The following ADARB2 variants were observed in gnomAD, a reference collection of about 807,000 sequenced individuals.
The protein encoded by ADARB2 is inactive double-stranded RNA-specific editase B2.
ADARB2 carries 25 observed loss-of-function variants against 62.2 expected under a neutral mutation model. The ratio of observed to expected loss-of-function variants is 0.40; its 90% confidence interval spans 0.29 to 0.56. The LOEUF (loss-of-function observed/expected upper bound fraction) is 0.56. ADARB2 is among the 20% of genes least tolerant of loss of function. ADARB2 has a pLI of 0.43. For synonymous variants in ADARB2, 572 were observed against 500.8 expected (o/e 1.14, Z -1.90); for missense variants, 1,071 against 1,077.4 (o/e 0.99, Z 0.08).
chr10:1,528,110 T>G (rs560422483), intron 1 of ADARB2, among the ~76,000 whole-genome samples: 2 of 152,314 alleles, frequency 1.3e-5, no homozygotes, highest in African/African-American at 4.8e-5. Flanking sequence ...ATGTGCAGCC[T>G]CTCGACAAAC....
In ADARB2 at chr10:1,629,088, C is replaced by T. The variant is rs142341598; in HGVS notation, c.100+107963G>A. On this transcript the variant is annotated intron_variant, in intron 1 of 9. Transcript: ENST00000381312. ...AGGCGTGAAACTGGCTCAAGCTGTTCGCCAGGGTGTCCCCTAGCAACACAG... is the reference window on the plus strand; with the variant it reads ...AGGCGTGAAACTGGCTCAAGCTGTTTGCCAGGGTGTCCCCTAGCAACACAG... 8.6e-3 allele frequency among the ~76,000 whole-genome samples: 1,306 copies of T among 152,320 alleles called. 5 individuals are homozygous for T. Among genetic ancestry groups the T allele is most frequent in the Admixed American group, 0.018 (277 of 15,310 alleles).
At chr10:1,341,566 T>C (rs113398202) in intron 3 of ADARB2, among the ~76,000 whole-genome samples, 2,930 of 52,026 alleles carry the variant, frequency 0.056, no homozygotes, top group Middle Eastern at 0.091. Flanking sequence ...TGCCCCACAG[T>C]GGCAATAACC....
In ADARB2 at chr10:1,420,313, G is replaced by C. The variant is rs2131884461; in HGVS notation, c.101-41153C>G. On this transcript the variant is annotated intron_variant, in intron 1 of 9. Coordinates refer to ENST00000381312, the MANE Select transcript of ADARB2 (RefSeq NM_018702.4). ...TACATGGACAGCTACGTGTAAGGCT[G>C]ACAAAGAGTAGCACAGACAGATATG... Among the ~76,000 whole-genome samples the C allele has an allele frequency of 2.0e-5, 3 of 152,318 alleles. 1 individual carries two copies. In the South Asian group the frequency reaches 6.2e-4, roughly 32 times the overall value.
intron 1 of ADARB2, among the ~76,000 whole-genome samples, chr10:1,614,828 G>T (rs1418041641): frequency 6.6e-6 from 1 of 151,984 alleles, no homozygotes. Context: ...GGAGAATGGC[G>T]TGAACCTGGG....
At chr10:1,415,526 A>G (rs1832794915) in intron 1 of ADARB2, among the ~76,000 whole-genome samples, 1 of 148,202 alleles carries the variant, frequency 6.7e-6, no homozygotes, top group African/African-American at 2.5e-5. Context: ...TCCGCATGGT[A>G]AGAAATATTT....
intron 1 of ADARB2, among the ~76,000 whole-genome samples, chr10:1,668,181 C>A (rs1834337276): frequency 6.6e-6 from 1 of 152,214 alleles, no homozygotes; most frequent in African/African-American, 2.4e-5. Context: ...GCCGCTGGTG[C>A]ATTTGGACTT....
chr10:1,395,170 C>T lies in ADARB2; in HGVS notation c.101-16010G>A, dbSNP rs114777972. Among the ~76,000 whole-genome samples, 788 of 152,278 alleles carry T rather than the reference C, an allele frequency of 5.2e-3. 4 individuals are homozygous for T. Among genetic ancestry groups the T allele is most frequent in the African/African-American group, 0.018 (747 of 41,552 alleles). The stretch of plus-strand genomic sequence containing the variant: ...TGTTGGGATTACAGATGTGAGCCAC[C>T]GTGCCTGGCCAAGATTTTTTATTCT... On this transcript the variant is annotated intron_variant, in intron 1 of 9. Coordinates refer to ENST00000381312, the MANE Select transcript of ADARB2 (RefSeq NM_018702.4).
intron 3 of ADARB2, among the ~76,000 whole-genome samples, chr10:1,349,304 CT>C (rs1832111770): frequency 6.6e-6 from 1 of 152,138 alleles, no homozygotes; most frequent in South Asian, 2.1e-4. Context: ...AGCCCCACCC[CT>C]ACCTCCCTTC....
In ADARB2 at chr10:1,550,404, C is replaced by A. The variant is rs1324994848; in HGVS notation, c.101-171244G>T. 5.9e-5 allele frequency among the ~76,000 whole-genome samples: 9 copies of A among 152,218 alleles called. No homozygotes were observed. The South Asian group carries it at 8.3e-4, about 14-fold the overall frequency. On this transcript the variant is annotated intron_variant, in intron 1 of 9. Transcript: ENST00000381312. ...TGAGAAAGCTCATTCTTTGGAGAGT[C>A]TCAGTGTAATTGCACTGATTGTGCT...
intron 1 of ADARB2, among the ~76,000 whole-genome samples, chr10:1,566,644 C>A (rs1832864999): frequency 6.6e-6 from 1 of 152,320 alleles, no homozygotes. Flanking sequence ...CAACTCAAAT[C>A]ATTAGTTAAA....
At chr10:1,720,735 G>T (rs532950553) in intron 1 of ADARB2, among the ~76,000 whole-genome samples, 1 of 152,162 alleles carries the variant, frequency 6.6e-6, no homozygotes, top group Non-Finnish European at 1.5e-5. Flanking sequence ...CCCTGGACAC[G>T]TGGAAACCCT....
intron 1 of ADARB2, among the ~76,000 whole-genome samples, chr10:1,530,143 C>T (rs570422745): frequency 4.6e-5 from 7 of 152,366 alleles, no homozygotes; most frequent in South Asian, 4.1e-4. Context: ...CTTGGGCACC[C>T]GTCCACTGCC....
At chr10:1,421,730 G>A (rs1051567150) in intron 1 of ADARB2, among the ~76,000 whole-genome samples, 4 of 152,182 alleles carry the variant, frequency 2.6e-5, no homozygotes, top group Non-Finnish European at 5.9e-5. Flanking sequence ...TCCATTGTAA[G>A]ATTCACCCCA....
chr10:1,488,658 CT>C (rs1564305448), intron 1 of ADARB2, among the ~76,000 whole-genome samples: 1 of 152,154 alleles, frequency 6.6e-6, no homozygotes, highest in Non-Finnish European at 1.5e-5. Flanking sequence ...GAGGACTTTT[CT>C]TTTTGGCGAA....
At chr10:1,669,780 A>G (rs998421138) in intron 1 of ADARB2, among the ~76,000 whole-genome samples, 2 of 151,992 alleles carry the variant, frequency 1.3e-5, no homozygotes, top group African/African-American at 4.8e-5. Context: ...ACACAGACAC[A>G]AACACACAGA....
chr10:1,247,314 C>T (rs1830995237), intron 4 of ADARB2, among the ~76,000 whole-genome samples: 1 of 152,150 alleles, frequency 6.6e-6, no homozygotes, highest in East Asian at 1.9e-4. Flanking sequence ...AATTGAATAA[C>T]CTTTATTTCC....
chr10:1,362,886 CG>C (rs1333943232), intron 3 of ADARB2, 141 bp downstream of exon 3: 1 of 835,094 alleles, frequency 1.2e-6, no homozygotes, highest in Admixed American at 4.3e-5. Context: ...CTCACCAGGC[CG>C]GGAGACATTC....
At chr10:1,608,327 C>T (rs1833519776) in intron 1 of ADARB2, among the ~76,000 whole-genome samples, 1 of 152,192 alleles carries the variant, frequency 6.6e-6, no homozygotes, top group Non-Finnish European at 1.5e-5. Flanking sequence ...CGTGCCTGTG[C>T]TGCTGCTGAG....
intron 4 of ADARB2, among the ~76,000 whole-genome samples, chr10:1,258,158 C>A (rs1379089166): frequency 6.6e-6 from 1 of 152,086 alleles, no homozygotes; most frequent in East Asian, 1.9e-4. Flanking sequence ...AACTCTTTTT[C>A]TTTCTTGCCC....
Sources: allele counts gnomAD v4.1 joint callset (sites outside exome capture counted in the v4.1 genomes callset), GRCh38; gene constraint gnomAD v4.1.1; transcripts MANE v1.5; gene names NCBI Gene and HGNC (gene_info 2026-07-23, HGNC 2026-07-21).